The following JAK2 variants were observed in gnomAD, a reference collection of about 807,000 sequenced individuals.
JAK2 encodes the protein tyrosine-protein kinase JAK2.
A neutral mutation model predicts 139.3 loss-of-function variants in JAK2; 86 were observed. The observed-to-expected ratio is 0.62, with a 90% CI of 0.52 to 0.74. JAK2 has a LOEUF of 0.74. Ranked by LOEUF, JAK2 falls within the 30% of genes least tolerant of loss-of-function variation. JAK2 has a pLI of 0.00. For missense variants in JAK2, 1,421 were observed against 1,360.3 expected (o/e 1.04, Z -0.70); for synonymous variants, 490 against 437.7 (o/e 1.12, Z -1.49).
intron 2 of JAK2, among the ~76,000 whole-genome samples, chr9:4,998,400 G>A (rs1270353568): frequency 6.6e-6 from 1 of 152,024 alleles, no homozygotes; most frequent in Non-Finnish European, 1.5e-5. Context: ...GGGATTATAG[G>A]CGCGCACCAC....
At chr9:5,066,894 T>C in intron 10 of JAK2, 105 bp downstream of exon 10, 1 of 458,504 alleles carries the variant, frequency 2.2e-6, no homozygotes, top group Non-Finnish European at 3.7e-6. Context: ...AATTATAGCT[T>C]TGGATATGAT....
At chr9:4,988,818 C>G (rs1238071838) in intron 2 of JAK2, among the ~76,000 whole-genome samples, 1 of 152,104 alleles carries the variant, frequency 6.6e-6, no homozygotes, top group East Asian at 1.9e-4. Flanking sequence ...ATTTTCTACC[C>G]CTTAATTTTC....
chr9:5,041,036 C>T (rs1300385264), intron 4 of JAK2: 1 of 676,130 alleles, frequency 1.5e-6, no homozygotes, highest in Non-Finnish European at 2.7e-6. Flanking sequence ...ACCGGTTCTA[C>T]AAGCAGCTCA....
Position 5,073,782 on chromosome 9 carries a change from G to T in JAK2, c.1861G>T (p.Glu621Ter). The change falls in exon 14 of 25, where the codon GAG (glutamate) becomes TAG (stop). Residue 621 changes from glutamate to a stop codon, truncating the protein, a stop_gained. Transcript: ENST00000381652. LOFTEE classifies it high-confidence loss of function. ...TTATGGAGTATGTGTCTGTGGAGAC[G>T]AGAGTAAGTAAAACTACAGGCTTTC... is the stretch of plus-strand genomic sequence containing the variant. ...LNYGVCVCGDENILVQEFVKF... is the reference protein window; with the variant it reads ...LNYGVCVCGD The T allele has an allele frequency of 1.3e-6, 2 of 1,595,826 alleles. No individual in the cohort carries two copies. Among genetic ancestry groups the T allele is most frequent in the South Asian group, 2.2e-5 (2 of 89,944 alleles).
intron 4 of JAK2, among the ~76,000 whole-genome samples, chr9:5,034,098 C>A (rs957486045): frequency 6.6e-6 from 1 of 152,036 alleles, no homozygotes; most frequent in Non-Finnish European, 1.5e-5. Flanking sequence ...ATCCTAGTCT[C>A]GGATAAAACA....
intron 8 of JAK2, among the ~76,000 whole-genome samples, chr9:5,064,190 A>G (rs1342932519): frequency 6.6e-6 from 1 of 151,932 alleles, no homozygotes; most frequent in East Asian, 1.9e-4. Flanking sequence ...GCATAGCTAC[A>G]TATCCTAACA....
At chr9:5,123,610 A>G (rs990247141) in intron 23 of JAK2, among the ~76,000 whole-genome samples, 1 of 152,050 alleles carries the variant, frequency 6.6e-6, no homozygotes, top group African/African-American at 2.4e-5. Context: ...TGCAATAAAC[A>G]TACAGGTGGA....
At chr9:5,064,199 C>T (rs1818401908) in intron 8 of JAK2, among the ~76,000 whole-genome samples, 1 of 151,872 alleles carries the variant, frequency 6.6e-6, no homozygotes, top group Admixed American at 6.6e-5. Context: ...CATATCCTAA[C>T]ATTTTAGTTT....
intron 22 of JAK2, chr9:5,111,818 T>A (rs1586818561): frequency 2.4e-6 from 1 of 418,092 alleles, no homozygotes; most frequent in East Asian, 6.6e-5. Context: ...GTAGGCGGCG[T>A]CTCCAGCCAC....
rs946613937 is a variant in JAK2, at chr9:5,129,294, G to A, written c.*2503G>A. Reference sequence around the variant, plus strand: ...AGTGATGTAGTAAATATTCAGAAGCGATTTTCTTTTGCATTTTTACCTAAC... The same window carrying A: ...AGTGATGTAGTAAATATTCAGAAGCAATTTTCTTTTGCATTTTTACCTAAC... On this transcript the variant is annotated 3_prime_UTR_variant, in exon 25 of 25. Transcript: ENST00000381652. 2.6e-5 allele frequency among the ~76,000 whole-genome samples: 4 copies of A among 151,958 alleles called. No homozygotes were observed. Among genetic ancestry groups the A allele is most frequent in the Non-Finnish European group, 5.9e-5 (4 of 67,924 alleles).
intron 4 of JAK2, chr9:5,041,285 A>T: frequency 1.9e-6 from 2 of 1,041,286 alleles, no homozygotes; most frequent in Non-Finnish European, 2.9e-6. Flanking sequence ...CAAGGGGTAC[A>T]CTGGTCTCAG....
intron 2 of JAK2, among the ~76,000 whole-genome samples, chr9:4,987,647 A>C (rs1820023276): frequency 6.7e-6 from 1 of 148,202 alleles, no homozygotes; most frequent in East Asian, 2.0e-4. Flanking sequence ...GAGGCAGGAG[A>C]ATTGCTTGAA....
intron 18 of JAK2, among the ~76,000 whole-genome samples, 160 bp downstream of exon 18, chr9:5,080,843 C>T (rs1045965929): frequency 2.0e-5 from 3 of 148,494 alleles, no homozygotes; most frequent in Non-Finnish European, 4.5e-5. Flanking sequence ...TATACATATT[C>T]TAATCTCCTT....
rs1375478515 is a variant in JAK2, at chr9:5,064,905, G to A, written c.1079G>A (p.Arg360Lys). Residue 360 changes from arginine (R) to lysine (K), a missense_variant, in exon 9 of 25, where the codon AGG (arginine) becomes AAG (lysine). By Grantham distance (26) the Arg-to-Lys change is conservative (BLOSUM62 2). Transcript: ENST00000381652. ...TAGGAAATTGAACTTAGCTCATTAA[G>A]GGAAGCTTTGTCTTTCGTGTCATTA... The part of the protein sequence containing the change: ...KNLEIELSSL[R>K]EALSFVSLID... 6.3e-7 allele frequency: 1 copy of A among 1,587,750 alleles called. No individual in the cohort carries two copies.
At chr9:5,104,108 A>G (rs985800030) in intron 22 of JAK2, among the ~76,000 whole-genome samples, 5 of 152,202 alleles carry the variant, frequency 3.3e-5, no homozygotes, top group Admixed American at 2.0e-4. Flanking sequence ...CTCTTCAAAA[A>G]ATCAATGAAT....
Position 5,126,782 on chromosome 9 carries a change from GGCT to G in JAK2, c.3392_3394del (p.Ala1131del). The G allele has an allele frequency of 6.3e-7, 1 of 1,599,914 alleles. No homozygotes were observed. Among genetic ancestry groups the G allele is most frequent in the Non-Finnish European group, 8.5e-7 (1 of 1,170,290 alleles). On this transcript the variant is annotated inframe_deletion, in exon 25 of 25. Transcript: ENST00000381652. Reference sequence around the variant, plus strand: ...GAGTGGATCAAATAAGGGATAACATGGCTGGATGAAAGAAATGACCTTCATTCT... The same window carrying G: ...GAGTGGATCAAATAAGGGATAACATGGGATGAAAGAAATGACCTTCATTCT...
intron 4 of JAK2, chr9:5,041,004 G>C (rs371987722): frequency 1.8e-5 from 12 of 652,970 alleles, no homozygotes; most frequent in South Asian, 1.6e-4. Context: ...TCAAGTTCCG[G>C]ACCCCGCAGC....
At position 5,064,973 on chromosome 9, in the gene JAK2, C is replaced by G. The variant is rs143124074; in HGVS notation, c.1147C>G (p.Leu383Val). Residue 383 changes from leucine (L) to valine (V), a missense_variant, in exon 9 of 25, where the codon CTC becomes GTC. Transcript: ENST00000381652. ...YRLTADAHHY[L>V]CKEVAPPAVL... Reference sequence around the variant, plus strand: ...ATTAACTGCAGATGCACATCATTACCTCTGTAAAGAAGTAGCACCTCCAGC... The same window carrying G: ...ATTAACTGCAGATGCACATCATTACGTCTGTAAAGAAGTAGCACCTCCAGC... 53 of 1,608,808 alleles carry G rather than the reference C, an allele frequency of 3.3e-5. No homozygotes were observed. The African/African-American group carries it at 6.9e-4, about 21-fold the overall frequency.
upstream of JAK2, chr9:4,985,228 G>C (rs1819873684): frequency 6.5e-6 from 1 of 152,750 alleles, no homozygotes; most frequent in Admixed American, 6.5e-5. Flanking sequence ...GCTGCCCGAA[G>C]TGGGAGTGGT....
Sources: gnomAD v4.1 joint callset for allele counts (sites outside exome capture counted in the v4.1 genomes callset) on GRCh38, gnomAD v4.1.1 for gene constraint, MANE v1.5 for transcripts, NCBI Gene and HGNC (gene_info 2026-07-23, HGNC 2026-07-21) for gene names.